Variants in LCORL observed in about 807,000 individuals in gnomAD.
LCORL encodes ligand-dependent nuclear receptor corepressor-like protein.
LCORL carries 41 observed loss-of-function variants against 141.8 expected under a neutral mutation model. The observed-to-expected ratio is 0.29, with a 90% CI of 0.23 to 0.38. The LOEUF (loss-of-function observed/expected upper bound fraction) is 0.38. Among genes scored for constraint, LCORL ranks in the 10% least tolerant of loss-of-function variants. The pLI is 1.00. For synonymous variants in LCORL, 618 were observed against 694.1 expected (o/e 0.89, Z 1.72); for missense variants, 1,759 against 2,035.0 (o/e 0.86, Z 2.61).
chr4:17,896,064 A>G (rs1005978777), intron 5 of LCORL, among the ~76,000 whole-genome samples: 7 of 152,180 alleles, frequency 4.6e-5, no homozygotes, highest in Admixed American at 2.0e-4. Flanking sequence ...TCCTCAGAGT[A>G]GAACTGTTGG....
At chr4:17,939,948 T>C (rs1737571293) in intron 4 of LCORL, among the ~76,000 whole-genome samples, 1 of 150,294 alleles carries the variant, frequency 6.7e-6, no homozygotes, top group East Asian at 1.9e-4. Context: ...TATATATTCA[T>C]ATACTATATA....
chr4:17,916,475 G>A (rs1282940324), intron 4 of LCORL, among the ~76,000 whole-genome samples: 1 of 151,896 alleles, frequency 6.6e-6, no homozygotes, highest in Non-Finnish European at 1.5e-5. Flanking sequence ...AAAAGTCTGG[G>A]ACCTCCTCTC....
intron 5 of LCORL, among the ~76,000 whole-genome samples, chr4:17,889,434 G>A (rs79021772): frequency 0.036 from 5,549 of 152,072 alleles, 146 homozygotes; most frequent in South Asian, 0.062. Context: ...CTGTCACATT[G>A]CATTAAAATT....
intron 6 of LCORL, among the ~76,000 whole-genome samples, chr4:17,880,157 T>C (rs546426812): frequency 1.3e-5 from 2 of 151,108 alleles, no homozygotes; most frequent in South Asian, 2.1e-4. Flanking sequence ...AAAAAAGGTA[T>C]AAATTAGATA....
intron 1 of LCORL, among the ~76,000 whole-genome samples, chr4:18,014,627 G>A (rs1724340825): frequency 6.6e-6 from 1 of 152,168 alleles, no homozygotes; most frequent in Non-Finnish European, 1.5e-5. Context: ...TATATGAAAG[G>A]AAAGGAGATG....
chr4:17,994,663 A>G (rs1720612241), intron 1 of LCORL, among the ~76,000 whole-genome samples: 1 of 152,086 alleles, frequency 6.6e-6, no homozygotes, highest in Non-Finnish European at 1.5e-5. Flanking sequence ...TCAACTAATC[A>G]ATTATTCATT....
chr4:18,019,919 T>C (rs551874347), intron 1 of LCORL, among the ~76,000 whole-genome samples: 1 of 152,334 alleles, frequency 6.6e-6, no homozygotes, highest in South Asian at 2.1e-4. Flanking sequence ...ACAACAATAT[T>C]TAGTTTTTTA....
At chr4:17,843,308 TG>T (rs1342763355) in exon 8 of LCORL, 2 of 1,611,208 alleles carry the variant, frequency 1.2e-6, no homozygotes, top group African/African-American at 2.7e-5. Context: ...TTAGTGATCA[TG>T]AAGTTCCAGA....
intron 1 of LCORL, among the ~76,000 whole-genome samples, chr4:18,005,610 A>G (rs1033669023): frequency 6.6e-6 from 1 of 152,230 alleles, no homozygotes. Flanking sequence ...ATCTTCTGAA[A>G]TCTAGGCAGA....
At chr4:17,882,459 G>C (rs991070582) in intron 6 of LCORL, 25 of 984,470 alleles carry the variant, frequency 2.5e-5, no homozygotes, top group Non-Finnish European at 3.0e-5. Flanking sequence ...AAAACTGCTA[G>C]GTAAAAATGA....
chr4:17,896,874 C>A (rs964727236), intron 5 of LCORL, among the ~76,000 whole-genome samples: 4 of 152,026 alleles, frequency 2.6e-5, no homozygotes, highest in Non-Finnish European at 5.9e-5. Flanking sequence ...ACCCCACCCC[C>A]CACTATCCTT....
intron 7 of LCORL, among the ~76,000 whole-genome samples, chr4:17,855,318 GAATA>G (rs1407144785): frequency 6.6e-6 from 1 of 151,934 alleles, no homozygotes; most frequent in African/African-American, 2.4e-5. Flanking sequence ...TTTATAAAAA[GAATA>G]AAAATAGGAA....
chr4:18,021,685 G>GAGCGGCGGC lies in LCORL; in HGVS notation c.58_66dup (p.Ala20_Ala22dup), dbSNP rs1553889894. On this transcript the variant is annotated inframe_insertion, in exon 1 of 8. Transcript: ENST00000635767. This position sits in a 1 kb window ranked among gnomAD's most constrained non-coding sequence, Gnocchi z 5.5. ...GCCGCGCACCGAGGGCTCCGGCACT[G>GAGCGGCGGC]AGCGGCGGCGGCGGCGGCGGCAGCA... 51 of 1,534,850 alleles carry GAGCGGCGGC rather than the reference G, an allele frequency of 3.3e-5. No homozygotes were observed. The highest frequency in any genetic ancestry group is 3.0e-4 in the East Asian group (12 of 40,102).
Position 17,851,430 on chromosome 4 carries a change from A to G in LCORL, c.5603-5529T>C, listed in dbSNP as rs996960210. On this transcript the variant is annotated intron_variant, in intron 7 of 7. Coordinates refer to ENST00000635767, the Ensembl canonical transcript of LCORL. ...GAAATATGTAGGTATCTGTGTTTCA[A>G]CTCTCTCCTTGTACACAATTCTACC... is the stretch of plus-strand genomic sequence containing the variant. Among the ~76,000 whole-genome samples the G allele has an allele frequency of 3.3e-5, 5 of 151,548 alleles. No individual in the cohort carries two copies. In the South Asian group the frequency reaches 6.3e-4, roughly 19 times the overall value.
intron 4 of LCORL, 57 bp downstream of exon 4, chr4:17,961,846 T>G: frequency 6.6e-7 from 1 of 1,508,736 alleles, no homozygotes; most frequent in South Asian, 1.3e-5. Context: ...TGTAAAAAAA[T>G]TCCAACATTT....
At chr4:17,931,327 T>A (rs923969172) in intron 4 of LCORL, among the ~76,000 whole-genome samples, 7 of 152,100 alleles carry the variant, frequency 4.6e-5, no homozygotes, top group Non-Finnish European at 4.4e-5. Flanking sequence ...ACCTCATTAA[T>A]TTTTTGCTTT....
chr4:17,844,782 AAAG>A (rs1577223612), exon 8 of LCORL: 1 of 152,552 alleles, frequency 6.6e-6, no homozygotes, highest in South Asian at 2.1e-4. Flanking sequence ...GGCTATCCAA[AAAG>A]AAAGGAGCCA....
intron 6 of LCORL, 62 bp from the exon 7 acceptor site, chr4:17,878,275 A>AT: frequency 3.6e-6 from 4 of 1,100,432 alleles, no homozygotes; most frequent in Non-Finnish European, 4.6e-6. Flanking sequence ...AGGAGTTATA[A>AT]TTTTAACAGT....
chr4:17,862,387 C>T (rs1189119941), intron 7 of LCORL, among the ~76,000 whole-genome samples: 1 of 152,142 alleles, frequency 6.6e-6, no homozygotes, highest in Non-Finnish European at 1.5e-5. Context: ...TGTGAAAGAC[C>T]TGCTCCCATG....
Sources: gnomAD v4.1 joint callset for allele counts (sites outside exome capture counted in the v4.1 genomes callset) on GRCh38, gnomAD v4.1.1 for gene constraint, Gnocchi (gnomAD v3.1) non-coding constraint, MANE v1.5 for transcripts, NCBI Gene and HGNC (gene_info 2026-07-23, HGNC 2026-07-21) for gene names.